Variants in ELF2 observed in about 807,000 individuals in gnomAD.
The protein encoded by ELF2 is E74 like ETS transcription factor 2.
A neutral mutation model predicts 54.8 loss-of-function variants in ELF2; 11 were observed. That is an observed-to-expected ratio of 0.20 (90% CI 0.13 to 0.33). The LOEUF is 0.33. Among genes scored for constraint, ELF2 ranks in the 10% least tolerant of loss-of-function variants. The pLI, the probability that ELF2 is intolerant of heterozygous loss-of-function variation, is 1.00. For missense variants in ELF2, 513 were observed against 703.0 expected (o/e 0.73, Z 3.06); for synonymous variants, 203 against 245.1 (o/e 0.83, Z 1.61).
chr4:139,132,841 C>CATATATATATATATATATAT (rs58765596), intron 3 of ELF2, among the ~76,000 whole-genome samples: 52 of 115,004 alleles, frequency 4.5e-4, no homozygotes, highest in African/African-American at 1.3e-3. Flanking sequence ...TATTACTTTA[C>CATATATATATATATATATAT]ATATATATAT....
chr4:139,112,541 G>A (rs1044913161), intron 4 of ELF2, among the ~76,000 whole-genome samples: 3 of 152,134 alleles, frequency 2.0e-5, no homozygotes, highest in African/African-American at 4.8e-5. Flanking sequence ...TAAAGCATTC[G>A]TATTTGTACA....
intron 1 of ELF2, among the ~76,000 whole-genome samples, chr4:139,164,082 G>A (rs572489353): frequency 2.1e-4 from 31 of 149,652 alleles, no homozygotes; most frequent in African/African-American, 7.2e-4. Context: ...GAGAGAAAGA[G>A]GGAGGGAGAG....
intron 1 of ELF2, among the ~76,000 whole-genome samples, chr4:139,152,404 G>A (rs985921587): frequency 5.3e-5 from 8 of 150,730 alleles, no homozygotes; most frequent in Admixed American, 3.3e-4. Context: ...GCTCAATCAC[G>A]GCTCACTGCA....
chr4:139,115,043 C>G (rs1009844385), intron 4 of ELF2: 1 of 1,613,866 alleles, frequency 6.2e-7, no homozygotes, highest in African/African-American at 1.3e-5. Flanking sequence ...TTGACCGTGG[C>G]AGCCCGGGCA....
chr4:139,146,727 A>C (rs143064310), intron 1 of ELF2, among the ~76,000 whole-genome samples: 2,945 of 152,278 alleles, frequency 0.019, 52 homozygotes, highest in Non-Finnish European at 0.028. Flanking sequence ...CCAAATATCC[A>C]CAACCAACTC....
intron 1 of ELF2, among the ~76,000 whole-genome samples, chr4:139,168,875 A>C (rs1167455101): frequency 2.0e-5 from 3 of 152,082 alleles, no homozygotes; most frequent in Non-Finnish European, 2.9e-5. Context: ...GGTCCAAAGA[A>C]AGATTTTGAT....
intron 1 of ELF2, among the ~76,000 whole-genome samples, chr4:139,159,181 G>C (rs1740849546): frequency 6.6e-6 from 1 of 152,112 alleles, no homozygotes; most frequent in African/African-American, 2.4e-5. Context: ...GCCAGTCCTG[G>C]GCAGGGGCAA....
At chr4:139,143,776 C>T (rs903202647) in intron 1 of ELF2, among the ~76,000 whole-genome samples, 3 of 151,812 alleles carry the variant, frequency 2.0e-5, no homozygotes, top group Non-Finnish European at 4.4e-5. Context: ...CAAGACTCTG[C>T]CTCAAAATAA....
At position 139,114,853 on chromosome 4, in the gene ELF2, C is replaced by T. The variant is rs1269933511; in HGVS notation, c.238+10311G>A. ...GCACCAGGCCTGGCCGCAGGGTCCC[C>T]CGGTATTGCTGTTGCTACGAGGTTG... is the stretch of plus-strand genomic sequence containing the variant. On this transcript the variant is annotated intron_variant, in intron 4 of 9. Coordinates refer to ENST00000686138, the MANE Select transcript of ELF2 (RefSeq NM_001331036.3). 1.4e-5 allele frequency: 23 copies of T among 1,599,828 alleles called. No homozygotes were observed. In the South Asian group the frequency reaches 2.4e-4, roughly 17 times the overall value.
chr4:139,135,229 CTATA>C (rs201249516), intron 3 of ELF2, among the ~76,000 whole-genome samples: 17 of 126,860 alleles, frequency 1.3e-4, no homozygotes, highest in African/African-American at 3.8e-4. Flanking sequence ...ACATATACTA[CTATA>C]TATATGTGTG....
chr4:139,131,532 A>G (rs1737488747), intron 3 of ELF2, among the ~76,000 whole-genome samples: 1 of 152,232 alleles, frequency 6.6e-6, no homozygotes, highest in Non-Finnish European at 1.5e-5. Context: ...ATATATAGAA[A>G]GATAATAAAA....
At chr4:139,172,224 A>C (rs908890970) in intron 1 of ELF2, among the ~76,000 whole-genome samples, 8 of 152,232 alleles carry the variant, frequency 5.3e-5, no homozygotes, top group Non-Finnish European at 8.8e-5. Context: ...ACCTATATAT[A>C]CTGGTCAACA....
intron 1 of ELF2, among the ~76,000 whole-genome samples, chr4:139,156,319 G>A (rs938027753): frequency 3.9e-5 from 6 of 152,058 alleles, no homozygotes; most frequent in Admixed American, 6.6e-5. Context: ...GGGACTACAG[G>A]CACCCGCCAC....
chr4:139,177,690 GCCCGCCGGCTTTCC>G (rs1743117299), upstream of ELF2, among the ~76,000 whole-genome samples: 2 of 151,836 alleles, frequency 1.3e-5, no homozygotes, highest in South Asian at 4.1e-4. Context: ...CACCTGCAGC[GCCCGCCGGCTTTCC>G]CCCGCCGGCC....
chr4:139,131,795 T>C (rs1397433417), intron 3 of ELF2, among the ~76,000 whole-genome samples: 2 of 115,934 alleles, frequency 1.7e-5, no homozygotes, highest in Non-Finnish European at 3.9e-5. Context: ...ATGTTCATAA[T>C]GCCAAAAAAA....
chr4:139,061,423 ACT>A (rs1212266269), intron 8 of ELF2, among the ~76,000 whole-genome samples: 1 of 151,796 alleles, frequency 6.6e-6, no homozygotes, highest in Admixed American at 6.6e-5. Context: ...GATCCACCCA[ACT>A]CAGCCTCCCA....
intron 4 of ELF2, among the ~76,000 whole-genome samples, chr4:139,092,177 C>T (rs535334744): frequency 2.2e-4 from 34 of 151,320 alleles, no homozygotes; most frequent in Admixed American, 1.3e-3. Flanking sequence ...GCCTGGCAAA[C>T]ATGGTGAAAC....
At chr4:139,147,872 C>T (rs1373054587) in intron 1 of ELF2, among the ~76,000 whole-genome samples, 5 of 150,962 alleles carry the variant, frequency 3.3e-5, no homozygotes, top group African/African-American at 1.2e-4. Context: ...CCGCAACCTC[C>T]GCCTCCCAGG....
At chr4:139,174,695 C>T (rs570400929) in intron 1 of ELF2, among the ~76,000 whole-genome samples, 2 of 152,264 alleles carry the variant, frequency 1.3e-5, no homozygotes, top group African/African-American at 4.8e-5. Flanking sequence ...TACATAGCAT[C>T]CACATTGTAT....
Sources: allele counts gnomAD v4.1 joint callset (sites outside exome capture counted in the v4.1 genomes callset), GRCh38; gene constraint gnomAD v4.1.1; transcripts MANE v1.5; gene names NCBI Gene and HGNC (gene_info 2026-07-23, HGNC 2026-07-21).